Variants in THADA observed in about 807,000 individuals in gnomAD.
THADA encodes the protein tRNA (32-2'-O)-methyltransferase regulator THADA.
Under a neutral mutation model 219.8 loss-of-function variants are expected in THADA, and 213 were observed. The observed-to-expected ratio is 0.97, with a 90% CI of 0.87 to 1.09. The LOEUF (loss-of-function observed/expected upper bound fraction) is 1.09. Among genes scored for constraint, THADA ranks in the 50% least tolerant of loss-of-function variants. THADA has a pLI of 0.00. For synonymous variants in THADA, 1,018 were observed against 828.9 expected, an observed-to-expected ratio of 1.23 and a Z score of -3.92; for missense variants, 2,956 against 2,311.3, an observed-to-expected ratio of 1.28 and a Z score of -5.72.
At chr2:43,469,548 A>G (rs1052795875) in intron 26 of THADA, among the ~76,000 whole-genome samples, 2 of 152,248 alleles carry the variant, frequency 1.3e-5, no homozygotes, top group Non-Finnish European at 2.9e-5. Flanking sequence ...TAGGAAGACT[A>G]TACATAACTG....
At chr2:43,538,111 A>C (rs998589225) in intron 21 of THADA, among the ~76,000 whole-genome samples, 2 of 152,142 alleles carry the variant, frequency 1.3e-5, no homozygotes, top group African/African-American at 2.4e-5. Flanking sequence ...ATACATATAA[A>C]CTTAAGTTCA....
intron 29 of THADA, among the ~76,000 whole-genome samples, chr2:43,368,976 T>C (rs1670493477): frequency 5.9e-5 from 9 of 152,170 alleles, no homozygotes; most frequent in Admixed American, 5.9e-4. Flanking sequence ...ACCCTGCCCC[T>C]ATCTTTTAGG....
At chr2:43,484,752 T>C (rs1686671008) in intron 26 of THADA, among the ~76,000 whole-genome samples, 1 of 152,102 alleles carries the variant, frequency 6.6e-6, no homozygotes, top group Non-Finnish European at 1.5e-5. Flanking sequence ...GTTTATTTCT[T>C]GTGGTTAACA....
At chr2:43,343,906 T>A (rs1284744020) in intron 30 of THADA, 1 of 441,096 alleles carries the variant, frequency 2.3e-6, no homozygotes, top group African/African-American at 2.0e-5. Context: ...AAAGCCATAT[T>A]ACATGCCCCT....
intron 22 of THADA, among the ~76,000 whole-genome samples, chr2:43,514,810 A>C (rs1177975125): frequency 2.5e-5 from 2 of 81,014 alleles, no homozygotes; most frequent in East Asian, 6.9e-4. Flanking sequence ...TATATATTTT[A>C]TATATAATAA....
At chr2:43,369,628 C>G (rs1376644304) in intron 29 of THADA, among the ~76,000 whole-genome samples, 1 of 152,142 alleles carries the variant, frequency 6.6e-6, no homozygotes, top group Admixed American at 6.5e-5. Context: ...ATTCTGAGGT[C>G]CTACCTCAGG....
At chr2:43,379,190 C>A (rs1168474268) in intron 29 of THADA, among the ~76,000 whole-genome samples, 1 of 152,062 alleles carries the variant, frequency 6.6e-6, no homozygotes, top group Non-Finnish European at 1.5e-5. Flanking sequence ...ATGTCCGTAT[C>A]TTCTGGAGAG....
At position 43,393,271 on chromosome 2, in the gene THADA, A is replaced by G. The variant is rs562357588; in HGVS notation, c.4227+4700T>C. 2.6e-4 allele frequency among the ~76,000 whole-genome samples: 39 copies of G among 152,334 alleles called. 1 individual carries two copies. Among genetic ancestry groups the G allele is most frequent in the Non-Finnish European group, 4.7e-4 (32 of 68,034 alleles). On this transcript the variant is annotated intron_variant, in intron 29 of 37. Transcript: ENST00000405975. Reference sequence around the variant, plus strand: ...TTTCCACTGTATCATAACATACCCAATTAGATTTAAGGAGAGCAACTGAGT... The same window carrying G: ...TTTCCACTGTATCATAACATACCCAGTTAGATTTAAGGAGAGCAACTGAGT...
chr2:43,415,834 T>C (rs1233155625), intron 28 of THADA, among the ~76,000 whole-genome samples: 1 of 152,176 alleles, frequency 6.6e-6, no homozygotes, highest in Non-Finnish European at 1.5e-5. Context: ...CATGGCATTC[T>C]AAAGCTGCTA....
intron 28 of THADA, among the ~76,000 whole-genome samples, chr2:43,421,015 C>T (rs1048498437): frequency 1.3e-5 from 2 of 152,208 alleles, no homozygotes; most frequent in Admixed American, 1.3e-4. Context: ...CTTCTAGATC[C>T]TCCCTATATA....
intron 31 of THADA, among the ~76,000 whole-genome samples, chr2:43,314,386 TA>T (rs1424662238): frequency 2.6e-5 from 4 of 151,998 alleles, no homozygotes; most frequent in Admixed American, 2.6e-4. Context: ...CAAGAGAGCT[TA>T]AAATGAAAGT....
intron 22 of THADA, among the ~76,000 whole-genome samples, chr2:43,513,146 G>A (rs1690707482): frequency 6.6e-6 from 1 of 152,114 alleles, no homozygotes; most frequent in Non-Finnish European, 1.5e-5. Flanking sequence ...GAAGGATTGA[G>A]TTTGTTCTTA....
intron 26 of THADA, among the ~76,000 whole-genome samples, chr2:43,460,248 A>T (rs1210285313): frequency 6.7e-6 from 1 of 149,582 alleles, no homozygotes; most frequent in East Asian, 1.9e-4. Flanking sequence ...TAAAAAAAAA[A>T]AAAAAAAAAA....
intron 31 of THADA, among the ~76,000 whole-genome samples, chr2:43,296,302 A>G (rs549628392): frequency 4.7e-5 from 7 of 148,000 alleles, no homozygotes; most frequent in Non-Finnish European, 7.5e-5. Flanking sequence ...TGGAGACAGA[A>G]TCTCCCTCGG....
intron 31 of THADA, among the ~76,000 whole-genome samples, chr2:43,302,666 A>G (rs1375489164): frequency 1.3e-5 from 2 of 152,100 alleles, no homozygotes; most frequent in Admixed American, 1.3e-4. Context: ...CCTACTATCT[A>G]TTATCACTTC....
intron 24 of THADA, among the ~76,000 whole-genome samples, chr2:43,499,867 C>T (rs905889316): frequency 1.3e-5 from 2 of 151,418 alleles, no homozygotes; most frequent in African/African-American, 2.4e-5. Flanking sequence ...TGGTAAGTGA[C>T]GAATTAAGTC....
intron 22 of THADA, 128 bp downstream of exon 22, chr2:43,527,751 C>T (rs1693343740): frequency 1.7e-6 from 1 of 590,256 alleles, no homozygotes; most frequent in Admixed American, 3.3e-5. Flanking sequence ...ACAATTTCTT[C>T]CAAGAGTTTT....
intron 25 of THADA, among the ~76,000 whole-genome samples, chr2:43,488,360 A>C (rs767279565): frequency 6.6e-6 from 1 of 152,186 alleles, no homozygotes; most frequent in Non-Finnish European, 1.5e-5. Flanking sequence ...CTGCAGTAGG[A>C]AAGCACAATC....
At chr2:43,549,431 G>C in intron 19 of THADA, 63 bp from the exon 20 acceptor site, 1 of 1,487,536 alleles carries the variant, frequency 6.7e-7, no homozygotes, top group East Asian at 2.5e-5. Flanking sequence ...ATTTCCCTTG[G>C]GGATGCTTAC....
Sources: gnomAD v4.1 joint callset for allele counts (sites outside exome capture counted in the v4.1 genomes callset) on GRCh38, gnomAD v4.1.1 for gene constraint, MANE v1.5 for transcripts, NCBI Gene and HGNC (gene_info 2026-07-23, HGNC 2026-07-21) for gene names.